Variants in CCDC191 observed in about 807,000 individuals in gnomAD.
The protein encoded by CCDC191 is coiled-coil domain containing 191.
In CCDC191, 99 loss-of-function variants were observed where a neutral mutation model predicts 114.0. That is an observed-to-expected ratio of 0.87 (90% CI 0.74 to 1.03). The LOEUF (loss-of-function observed/expected upper bound fraction) is 1.03. Ranked by LOEUF, CCDC191 falls within the 50% of genes least tolerant of loss-of-function variation. CCDC191 has a pLI of 0.00. For synonymous variants in CCDC191, 351 were observed against 376.0 expected, an observed-to-expected ratio of 0.93 and a Z score of 0.77; for missense variants, 973 against 1,087.0, an observed-to-expected ratio of 0.90 and a Z score of 1.47.
At chr3:114,009,825 A>C (rs138370933) in intron 9 of CCDC191, among the ~76,000 whole-genome samples, 1 of 152,324 alleles carries the variant, frequency 6.6e-6, no homozygotes, top group Non-Finnish European at 1.5e-5. Flanking sequence ...ATGGCGGCAA[A>C]CTGGAAACAA....
intron 16 of CCDC191, among the ~76,000 whole-genome samples, chr3:113,971,717 TCA>T (rs1940841574): frequency 6.6e-6 from 1 of 152,136 alleles, no homozygotes; most frequent in Admixed American, 6.5e-5. Context: ...TCCCTCCTCT[TCA>T]GTTTTTTTTT....
chr3:113,991,238 A>T (rs575766020), intron 13 of CCDC191, among the ~76,000 whole-genome samples: 1 of 151,032 alleles, frequency 6.6e-6, no homozygotes, highest in South Asian at 2.1e-4. Context: ...TCCAAAAAAA[A>T]AAAAAAGAAA....
chr3:114,053,723 G>A, intron 1 of CCDC191, 88 bp from the exon 2 acceptor site: 1 of 783,138 alleles, frequency 1.3e-6, no homozygotes, highest in East Asian at 2.7e-5. Flanking sequence ...TAAAGCATAT[G>A]GAACAGTGTC....
Position 113,965,037 on chromosome 3 carries a change from CT to C in CCDC191, c.*117del. 1.9e-6 allele frequency: 1 copy of C among 537,388 alleles called. No homozygotes were observed. Among genetic ancestry groups the C allele is most frequent in the South Asian group, 4.6e-5 (1 of 21,584 alleles). The allele number at this position is 537,388 out of a possible 1,614,324, so 33.3% of individuals were successfully genotyped here. ...AAATTCTCAAAATAATTCCTTTGAT[CT>C]AAGAAGTAGCTCGTAGAGAATAAAC... On this transcript the variant is annotated 3_prime_UTR_variant, in exon 17 of 17. Transcript: ENST00000295878.
Position 113,969,093 on chromosome 3 carries a change from C to T in CCDC191, c.2607-3734G>A, listed in dbSNP as rs577205947. On this transcript the variant is annotated intron_variant, in intron 16 of 16. Coordinates refer to ENST00000295878, the MANE Select transcript of CCDC191 (RefSeq NM_020817.2). Reference sequence around the variant, plus strand: ...GCCAGGTTCTTTTTAACAACCAGCTCTTCCGTAACTAATAGAGTGAGAATG... The same window carrying T: ...GCCAGGTTCTTTTTAACAACCAGCTTTTCCGTAACTAATAGAGTGAGAATG... Among the ~76,000 whole-genome samples the T allele has an allele frequency of 1.4e-4, 21 of 152,254 alleles. No individual in the cohort carries two copies. In the South Asian group the frequency reaches 4.4e-3, roughly 32 times the overall value.
At chr3:113,983,313 A>T (rs1300572093) in intron 13 of CCDC191, among the ~76,000 whole-genome samples, 1 of 152,050 alleles carries the variant, frequency 6.6e-6, no homozygotes, top group East Asian at 1.9e-4. Flanking sequence ...TTTCTACTCT[A>T]TCCAGACAAT....
At chr3:113,974,891 T>TATG (rs1941178031) in intron 16 of CCDC191, among the ~76,000 whole-genome samples, 1 of 152,194 alleles carries the variant, frequency 6.6e-6, no homozygotes, top group Non-Finnish European at 1.5e-5. Flanking sequence ...TCTAATCTTT[T>TATG]ATGTTTTCTA....
intron 13 of CCDC191, among the ~76,000 whole-genome samples, chr3:113,998,518 A>ACAAAATGGC (rs2075783424): frequency 6.6e-6 from 1 of 151,988 alleles, no homozygotes; most frequent in African/African-American, 2.4e-5. Context: ...GGGCTCATAA[A>ACAAAATGGC]CAAAATGGCC....
At chr3:114,007,754 T>G (rs951277746) in intron 9 of CCDC191, among the ~76,000 whole-genome samples, 2 of 152,060 alleles carry the variant, frequency 1.3e-5, no homozygotes, top group Non-Finnish European at 2.9e-5. Flanking sequence ...ACTGATAATT[T>G]TGGAAAAATT....
Position 114,012,222 on chromosome 3 carries a change from C to CGTGT in CCDC191, c.1164-1205_1164-1202dup, listed in dbSNP as rs35908762. 1.3e-3 allele frequency among the ~76,000 whole-genome samples: 199 copies of CGTGT among 150,604 alleles called. 2 individuals are homozygous for CGTGT. The highest frequency in any genetic ancestry group is 4.8e-3 in the Admixed American group (73 of 15,126). On this transcript the variant is annotated intron_variant, in intron 8 of 16. Coordinates refer to ENST00000295878, the MANE Select transcript of CCDC191 (RefSeq NM_020817.2). ...AAATGTCACATTGTGACTCAATATACGTGTGTGTGTGTGTGTGTGTAAAAG... is the reference window on the plus strand; with the variant it reads ...AAATGTCACATTGTGACTCAATATACGTGTGTGTGTGTGTGTGTGTGTGTAAAAG...
chr3:114,028,424 T>C (rs2107719355), intron 7 of CCDC191, among the ~76,000 whole-genome samples: 1 of 152,030 alleles, frequency 6.6e-6, no homozygotes, highest in Non-Finnish European at 1.5e-5. Flanking sequence ...TAGCTGGGAC[T>C]ACAGGCGCCC....
intron 11 of CCDC191, chr3:114,004,052 T>A (rs1341476936): frequency 5.2e-6 from 5 of 963,272 alleles, no homozygotes; most frequent in Non-Finnish European, 6.2e-6. Flanking sequence ...GAGGACTCCT[T>A]GAGGCCAGGA....
At chr3:114,028,021 G>A (rs1032301114) in intron 7 of CCDC191, among the ~76,000 whole-genome samples, 3 of 152,166 alleles carry the variant, frequency 2.0e-5, no homozygotes, top group African/African-American at 7.2e-5. Context: ...AGAGCCCGAG[G>A]AGGCTGGTAG....
At chr3:114,042,467 C>T (rs1577471335) in intron 4 of CCDC191, among the ~76,000 whole-genome samples, 1 of 152,158 alleles carries the variant, frequency 6.6e-6, no homozygotes, top group East Asian at 1.9e-4. Flanking sequence ...ACTAATTCCT[C>T]ACAGTTAGTT....
intron 16 of CCDC191, among the ~76,000 whole-genome samples, chr3:113,967,561 T>C (rs2107550393): frequency 6.6e-6 from 1 of 152,338 alleles, no homozygotes; most frequent in South Asian, 2.1e-4. Flanking sequence ...TTTTATACAT[T>C]CATGTAATGT....
chr3:113,998,306 CA>C (rs61430954), intron 13 of CCDC191, among the ~76,000 whole-genome samples: 40,564 of 82,802 alleles, frequency 0.49, 6,830 homozygotes, highest in Middle Eastern at 0.59. Context: ...AACTCTGCTT[CA>C]AAAAAAAAAA....
intron 11 of CCDC191, chr3:114,003,933 G>A: frequency 1.0e-6 from 1 of 985,398 alleles, no homozygotes; most frequent in Non-Finnish European, 1.2e-6. Flanking sequence ...GATTCACTAG[G>A]TGGGTTCTGA....
chr3:113,986,363 T>C (rs965476347), intron 13 of CCDC191, among the ~76,000 whole-genome samples: 1 of 151,782 alleles, frequency 6.6e-6, no homozygotes, highest in African/African-American at 2.4e-5. Context: ...GCATAACAAA[T>C]CCCATAAGGA....
intron 14 of CCDC191, 103 bp downstream of exon 14, chr3:113,980,547 C>A (rs1239459666): frequency 1.9e-5 from 21 of 1,083,740 alleles, no homozygotes; most frequent in South Asian, 3.9e-5. Context: ...ATCTTTCTGG[C>A]TTTAAATCAC....
Sources: allele counts gnomAD v4.1 joint callset (sites outside exome capture counted in the v4.1 genomes callset), GRCh38; gene constraint gnomAD v4.1.1; transcripts MANE v1.5; gene names NCBI Gene and HGNC (gene_info 2026-07-23, HGNC 2026-07-21).